LRP1B: variants seen among roughly 807,000 people sequenced by gnomAD.
The protein encoded by LRP1B is LDL receptor related protein 1B, also known as low-density lipoprotein receptor-related protein 1B.
A neutral mutation model predicts 556.6 loss-of-function variants in LRP1B; 217 were observed. The observed-to-expected ratio is 0.39, with a 90% CI of 0.35 to 0.44. The LOEUF (loss-of-function observed/expected upper bound fraction) is 0.44. LRP1B is among the 20% of genes least tolerant of loss of function. The pLI is 1.00. For missense variants in LRP1B, 5,053 were observed against 5,620.8 expected (o/e 0.90, Z 3.23); for synonymous variants, 2,047 against 1,865.8 (o/e 1.10, Z -2.50).
rs1363761202 is a variant in LRP1B, at chr2:141,803,866, G to A, written c.205+6413C>T. 3.3e-5 allele frequency among the ~76,000 whole-genome samples: 5 copies of A among 152,158 alleles called. No homozygotes were observed. The East Asian group carries it at 9.6e-4, about 29-fold the overall frequency. On this transcript the variant is annotated intron_variant, in intron 2 of 90. Transcript: ENST00000389484. ...ATCTTATATCCAAGGGGAAAGGTCA[G>A]TGTATGAATATAAGAAGTTCATTAA...
At chr2:141,519,359 T>TTATATATATATATA (rs1559118033) in intron 2 of LRP1B, among the ~76,000 whole-genome samples, 1 of 57,302 alleles carries the variant, frequency 1.7e-5, no homozygotes, top group Non-Finnish European at 3.1e-5. Context: ...CTTAAGTCAA[T>TTATATATATATATA]GATATATATA....
rs1680794462 is a variant in LRP1B, at chr2:140,238,168, A to T, written c.13544T>A (p.Met4515Lys). The T allele has an allele frequency of 1.2e-6, 2 of 1,603,904 alleles. No homozygotes were observed. The change falls in exon 89 of 91, where the codon ATG (methionine) becomes AAG (lysine). Residue 4515 changes from methionine (M) to lysine (K), a missense_variant. Transcript: ENST00000389484. ...ACATACTACCTTTGTTGGGTCTATC[A>T]TAAAGCCAGGATCTAAAAGACCTCC... ...NDGGLLDPGF[M>K]IDPTKARYIG...
chr2:141,000,293 A>G (rs1441689199), intron 15 of LRP1B, among the ~76,000 whole-genome samples: 3 of 152,070 alleles, frequency 2.0e-5, no homozygotes, highest in South Asian at 4.1e-4. Flanking sequence ...ATGATATTTA[A>G]ACACAGGTGA....
chr2:140,238,214 C>T lies in LRP1B; in HGVS notation c.13498G>A (p.Val4500Ile), dbSNP rs1370720134. Reference sequence around the variant, plus strand: ...CCTCCATCGTTGTGATCATGATCTACCTCATACATGTTATAAGATGGATTG... The same window carrying T: ...CCTCCATCGTTGTGATCATGATCTATCTCATACATGTTATAAGATGGATTG... ...IGNPSYNMYE[V>I]DHDHNDGGLL... Residue 4500 changes from valine (V) to isoleucine (I), a missense_variant, in exon 89 of 91, where the codon GTA becomes ATA. By Grantham distance (29) the Val-to-Ile change is conservative. Transcript: ENST00000389484. 1.9e-6 allele frequency: 3 copies of T among 1,603,722 alleles called. No individual in the cohort carries two copies. Among genetic ancestry groups the T allele is most frequent in the East Asian group, 4.5e-5 (2 of 44,482 alleles).
At chr2:141,607,838 G>T (rs551064005) in intron 2 of LRP1B, among the ~76,000 whole-genome samples, 1 of 152,160 alleles carries the variant, frequency 6.6e-6, no homozygotes. Context: ...AGGGGGGATC[G>T]CTTGAGCTTG....
intron 41 of LRP1B, among the ~76,000 whole-genome samples, chr2:140,642,634 G>A (rs866704191): frequency 6.6e-6 from 1 of 152,226 alleles, no homozygotes; most frequent in Middle Eastern, 3.4e-3. Context: ...GAAGTCAGGA[G>A]ATCGAGACCA....
chr2:141,766,266 AATTG>A (rs769289711), intron 2 of LRP1B, among the ~76,000 whole-genome samples: 1 of 152,152 alleles, frequency 6.6e-6, no homozygotes, highest in African/African-American at 2.4e-5. Flanking sequence ...ATTTGGGTGA[AATTG>A]ATTGTACAAA....
Position 140,514,844 on chromosome 2 carries a change from T to C in LRP1B, c.8150-72A>G, listed in dbSNP as rs115747094. On this transcript the variant is annotated intron_variant, in intron 50 of 90. Coordinates refer to ENST00000389484, the MANE Select transcript of LRP1B (RefSeq NM_018557.3). ...TACAACAGATCCGACAGTGAGAAGA[T>C]TCTTTCTTAGACTTTGCTAAAATCA... The C allele has an allele frequency of 6.5e-3, 8,937 of 1,384,004 alleles. 429 individuals carry two copies. In the African/African-American group the frequency reaches 0.11, roughly 17 times the overall value. 85.7% of individuals were successfully genotyped at this position (1,384,004 alleles called of 1,614,324 possible).
intron 14 of LRP1B, among the ~76,000 whole-genome samples, chr2:141,007,447 A>G (rs1202803894): frequency 6.6e-6 from 1 of 151,808 alleles, no homozygotes. Context: ...AATGCATGCT[A>G]CAGTATCAAT....
intron 1 of LRP1B, among the ~76,000 whole-genome samples, chr2:142,047,183 G>T (rs113223529): frequency 7.0e-4 from 107 of 152,032 alleles, no homozygotes; most frequent in Middle Eastern, 3.4e-3. Context: ...ACTTGAGGGT[G>T]CCATTTACAT....
chr2:141,470,858 A>T (rs1462584410), intron 3 of LRP1B, among the ~76,000 whole-genome samples: 1 of 152,236 alleles, frequency 6.6e-6, no homozygotes, highest in Admixed American at 6.5e-5. Flanking sequence ...ACAAGAGGAC[A>T]AAATTTAGGC....
chr2:141,517,004 TA>T (rs71391654), intron 2 of LRP1B, among the ~76,000 whole-genome samples: 119 of 11,724 alleles, frequency 0.01, no homozygotes, highest in African/African-American at 0.024. Context: ...GCCCGTCTCT[TA>T]AAAAAAAAAA....
intron 3 of LRP1B, among the ~76,000 whole-genome samples, chr2:141,355,370 T>C (rs1376610679): frequency 6.6e-6 from 1 of 152,052 alleles, no homozygotes; most frequent in Non-Finnish European, 1.5e-5. Flanking sequence ...GTTTTGAGTA[T>C]ACCTATAAAG....
rs1465645626 is a variant in LRP1B, at chr2:142,101,032, G to A, written c.82+29616C>T. On this transcript the variant is annotated intron_variant, in intron 1 of 90. Transcript: ENST00000389484. Reference sequence around the variant, plus strand: ...GCACAGGTACAATTATTTTAAAATTGTTTTTCTCCTGATTGAGCTCTCCCC... The same window carrying A: ...GCACAGGTACAATTATTTTAAAATTATTTTTCTCCTGATTGAGCTCTCCCC... 2.0e-5 allele frequency among the ~76,000 whole-genome samples: 3 copies of A among 151,912 alleles called. No homozygotes were observed. In the East Asian group the frequency reaches 5.8e-4, roughly 29 times the overall value.
chr2:141,982,154 A>C (rs914524503), intron 1 of LRP1B, among the ~76,000 whole-genome samples: 5 of 152,130 alleles, frequency 3.3e-5, no homozygotes, highest in Non-Finnish European at 7.4e-5. Flanking sequence ...TGTAGTGTAG[A>C]TTATAGCTAA....
intron 20 of LRP1B, among the ~76,000 whole-genome samples, chr2:140,938,234 T>A (rs1032563983): frequency 6.6e-6 from 1 of 152,026 alleles, no homozygotes; most frequent in Non-Finnish European, 1.5e-5. Flanking sequence ...GATAAAACTT[T>A]TATGAAAGAC....
chr2:141,327,334 T>C (rs182815811), intron 3 of LRP1B, among the ~76,000 whole-genome samples: 7 of 152,248 alleles, frequency 4.6e-5, no homozygotes, highest in Admixed American at 2.6e-4. Context: ...CAAGAACAAT[T>C]TTAGTGTAAT....
intron 71 of LRP1B, among the ~76,000 whole-genome samples, chr2:140,365,550 G>A (rs144637920): frequency 6.6e-6 from 1 of 151,638 alleles, no homozygotes; most frequent in African/African-American, 2.4e-5. Context: ...TGACTTGAGA[G>A]TTAGGAACTG....
At chr2:140,979,792 G>T (rs76339110) in intron 18 of LRP1B, among the ~76,000 whole-genome samples, 3,484 of 152,204 alleles carry the variant, frequency 0.023, 68 homozygotes, top group South Asian at 0.034. Context: ...TTGTAAGCAT[G>T]CCTGGATTAA....
Sources: allele counts gnomAD v4.1 joint callset (sites outside exome capture counted in the v4.1 genomes callset), GRCh38; gene constraint gnomAD v4.1.1; transcripts MANE v1.5; gene names NCBI Gene and HGNC (gene_info 2026-07-23, HGNC 2026-07-21).